GPR158: variants seen among roughly 807,000 people sequenced by gnomAD.
The protein encoded by GPR158 is metabotropic glycine receptor.
GPR158 carries 30 observed loss-of-function variants against 78.2 expected under a neutral mutation model. The ratio of observed to expected loss-of-function variants is 0.38; its 90% confidence interval spans 0.29 to 0.52. The LOEUF is 0.52. GPR158 is among the 20% of genes least tolerant of loss of function. The pLI is 0.83. For synonymous variants in GPR158, 581 were observed against 591.1 expected (o/e 0.98, Z 0.25); for missense variants, 1,463 against 1,523.5 (o/e 0.96, Z 0.66).
At chr10:25,342,312 A>G (rs983149209) in intron 2 of GPR158, among the ~76,000 whole-genome samples, 31 of 151,654 alleles carry the variant, frequency 2.0e-4, no homozygotes, top group African/African-American at 6.8e-4. Flanking sequence ...GCTGCCTTAC[A>G]TCATTCCCCT....
At chr10:25,545,175 A>C (rs1198526418) in intron 5 of GPR158, among the ~76,000 whole-genome samples, 1 of 152,196 alleles carries the variant, frequency 6.6e-6, no homozygotes, top group Non-Finnish European at 1.5e-5. Context: ...ATATGTGTGC[A>C]TGTGTCTTTA....
At chr10:25,486,252 A>G (rs919720085) in intron 5 of GPR158, among the ~76,000 whole-genome samples, 3 of 152,120 alleles carry the variant, frequency 2.0e-5, no homozygotes, top group African/African-American at 7.2e-5. Flanking sequence ...GACCTTCTTC[A>G]TTCTTTTGTC....
chr10:25,383,193 A>G (rs1474237812), intron 2 of GPR158, among the ~76,000 whole-genome samples: 1 of 152,228 alleles, frequency 6.6e-6, no homozygotes, highest in African/African-American at 2.4e-5. Context: ...GAAGGAGTAA[A>G]AAAATATTAA....
intron 3 of GPR158, among the ~76,000 whole-genome samples, chr10:25,407,225 A>G (rs824600): frequency 0.65 from 99,151 of 152,006 alleles, 33,543 homozygotes; most frequent in Non-Finnish European, 0.75. Flanking sequence ...ATAAATTCAG[A>G]AAAAAAATGT....
chr10:25,421,422 G>A lies in GPR158; in HGVS notation c.1335+8949G>A, dbSNP rs1834749810. On this transcript the variant is annotated intron_variant, in intron 4 of 10. Coordinates refer to ENST00000376351, the MANE Select transcript of GPR158 (RefSeq NM_020752.3). ...GAAAATACATAATACATAAAAGCTG[G>A]TCTAATGGTTAGAAGCCAAGACCTG... is the stretch of plus-strand genomic sequence containing the variant. Among the ~76,000 whole-genome samples, 3 of 152,126 alleles carry A rather than the reference G, an allele frequency of 2.0e-5. No individual in the cohort carries two copies. The South Asian group carries it at 6.2e-4, about 31-fold the overall frequency.
At chr10:25,346,855 G>A (rs1319111663) in intron 2 of GPR158, among the ~76,000 whole-genome samples, 2 of 151,936 alleles carry the variant, frequency 1.3e-5, no homozygotes, top group Admixed American at 6.6e-5. Flanking sequence ...GACATGAAAA[G>A]CCCTGAAGCA....
chr10:25,507,641 GGA>G (rs1451988012), intron 5 of GPR158, among the ~76,000 whole-genome samples: 17 of 152,082 alleles, frequency 1.1e-4, no homozygotes, highest in African/African-American at 3.4e-4. Flanking sequence ...ACTGTATCAG[GGA>G]AAATCTTTTA....
chr10:25,535,135 C>T (rs950493828), intron 5 of GPR158, among the ~76,000 whole-genome samples: 28 of 152,174 alleles, frequency 1.8e-4, no homozygotes, highest in African/African-American at 5.8e-4. Context: ...AGGTAGATAA[C>T]AGCATTTCTG....
chr10:25,554,740 A>G lies in GPR158; in HGVS notation c.1514+3655A>G, dbSNP rs575164346. 1.1e-4 allele frequency among the ~76,000 whole-genome samples: 16 copies of G among 152,272 alleles called. No homozygotes were observed. In the South Asian group the frequency reaches 3.3e-3, roughly 32 times the overall value. On this transcript the variant is annotated intron_variant, in intron 6 of 10. Transcript: ENST00000376351. ...GTTTATTAACAAATACAGTTGCACC[A>G]AGTTGGGGTTCGGGGTGAAGTGGCC...
intron 2 of GPR158, among the ~76,000 whole-genome samples, chr10:25,351,423 G>A (rs919238910): frequency 1.3e-5 from 2 of 148,378 alleles, no homozygotes; most frequent in Admixed American, 6.7e-5. Context: ...GGGAACTGGA[G>A]TTGGGGGTGG....
intron 2 of GPR158, among the ~76,000 whole-genome samples, chr10:25,284,915 T>C (rs560617007): frequency 6.6e-6 from 1 of 152,260 alleles, no homozygotes; most frequent in African/African-American, 2.4e-5. Flanking sequence ...TTATTCTTTT[T>C]GCTATTTTAT....
intron 5 of GPR158, among the ~76,000 whole-genome samples, chr10:25,521,598 G>C (rs1836275451): frequency 6.6e-6 from 1 of 152,164 alleles, no homozygotes; most frequent in African/African-American, 2.4e-5. Context: ...GGGCATTAAA[G>C]AACCTTGTAT....
At chr10:25,272,285 TTTC>T (rs1396089044) in intron 2 of GPR158, among the ~76,000 whole-genome samples, 1 of 152,218 alleles carries the variant, frequency 6.6e-6, no homozygotes, top group Admixed American at 6.5e-5. Flanking sequence ...AATGTATTGT[TTTC>T]TTATTTGCTT....
chr10:25,210,647 G>A (rs930972118), intron 1 of GPR158, among the ~76,000 whole-genome samples: 2 of 151,888 alleles, frequency 1.3e-5, no homozygotes, highest in Non-Finnish European at 2.9e-5. Context: ...TATGCTTGTG[G>A]GCCTATTGGG....
intron 4 of GPR158, among the ~76,000 whole-genome samples, chr10:25,450,823 T>G (rs1004161809): frequency 3.3e-5 from 5 of 152,150 alleles, no homozygotes; most frequent in African/African-American, 1.2e-4. Flanking sequence ...AAGTAAAAGC[T>G]CCTCTGTTTC....
intron 4 of GPR158, among the ~76,000 whole-genome samples, chr10:25,462,831 A>G (rs562394375): frequency 2.6e-5 from 4 of 152,368 alleles, no homozygotes; most frequent in African/African-American, 9.6e-5. Flanking sequence ...TGAGCAAACA[A>G]GTAGTTTTTT....
chr10:25,385,182 A>G (rs985208851), intron 2 of GPR158, among the ~76,000 whole-genome samples: 2 of 152,094 alleles, frequency 1.3e-5, no homozygotes, highest in Admixed American at 6.5e-5. Context: ...GAGTTTATCT[A>G]CTTCAGGTAC....
chr10:25,482,651 A>G (rs1229439978), intron 5 of GPR158, among the ~76,000 whole-genome samples: 3 of 152,026 alleles, frequency 2.0e-5, no homozygotes, highest in African/African-American at 7.3e-5. Flanking sequence ...ATCCATTCTC[A>G]TAGCTTAATA....
At chr10:25,540,396 G>A (rs1291720506) in intron 5 of GPR158, among the ~76,000 whole-genome samples, 2 of 152,242 alleles carry the variant, frequency 1.3e-5, no homozygotes, top group South Asian at 2.1e-4. Flanking sequence ...GATTCCTCAG[G>A]GATCTAAACT....
Sources: allele counts gnomAD v4.1 joint callset (sites outside exome capture counted in the v4.1 genomes callset), GRCh38; gene constraint gnomAD v4.1.1; transcripts MANE v1.5; gene names NCBI Gene and HGNC (gene_info 2026-07-23, HGNC 2026-07-21).